PRKN: variants seen among roughly 807,000 people sequenced by gnomAD.
PRKN encodes parkin RBR E3 ubiquitin protein ligase.
A neutral mutation model predicts 59.5 loss-of-function variants in PRKN; 56 were observed. That is an observed-to-expected ratio of 0.94 (90% confidence interval 0.76 to 1.18). PRKN has a LOEUF of 1.18. PRKN is among the 50% of genes most tolerant of loss of function. The pLI, the probability that PRKN is intolerant of heterozygous loss-of-function variation, is 0.00. For synonymous variants in PRKN, 250 were observed against 222.1 expected (o/e 1.13, Z -1.12); for missense variants, 657 against 596.4 (o/e 1.10, Z -1.06).
chr6:162,465,642 G>C (rs992916513), intron 1 of PRKN, among the ~76,000 whole-genome samples: 2 of 152,132 alleles, frequency 1.3e-5, no homozygotes, highest in Non-Finnish European at 2.9e-5. Flanking sequence ...AGAAAGAATA[G>C]GAAGTGTTAA....
intron 4 of PRKN, among the ~76,000 whole-genome samples, chr6:162,060,324 C>T (rs1029575832): frequency 2.6e-5 from 4 of 152,116 alleles, no homozygotes; most frequent in African/African-American, 9.7e-5. Flanking sequence ...TGGGATTCAT[C>T]AAATTGTTTG....
rs561552368 is a variant in PRKN at position 161,528,069 on chromosome 6, T to G, written c.1083+20785A>C. Among the ~76,000 whole-genome samples, 36 of 152,298 alleles carry G rather than the reference T, an allele frequency of 2.4e-4. No individual in the cohort carries two copies. In the South Asian group the frequency reaches 7.5e-3, roughly 32 times the overall value. On this transcript the variant is annotated intron_variant, in intron 9 of 11. Transcript: ENST00000366898. The stretch of plus-strand genomic sequence containing the variant: ...TTCCTTCAAAATACTTAACATATAT[T>G]TGTGGGACAGAAGAATTTCCATAGA...
At chr6:162,147,210 G>A (rs2128312614) in intron 4 of PRKN, among the ~76,000 whole-genome samples, 1 of 151,572 alleles carries the variant, frequency 6.6e-6, no homozygotes, top group South Asian at 2.1e-4. Flanking sequence ...TGGCGTGGTG[G>A]CATATGCCTG....
intron 1 of PRKN, among the ~76,000 whole-genome samples, chr6:162,474,040 G>A (rs1315258424): frequency 3.9e-5 from 6 of 152,076 alleles, no homozygotes; most frequent in African/African-American, 1.4e-4. Context: ...AGGTAATGTG[G>A]GTGATTCCAG....
intron 1 of PRKN, among the ~76,000 whole-genome samples, chr6:162,696,783 G>A (rs1777987563): frequency 6.6e-6 from 1 of 151,590 alleles, no homozygotes; most frequent in Non-Finnish European, 1.5e-5. Flanking sequence ...TGGGCTCGAG[G>A]GATCCATCTA....
chr6:162,718,019 G>A (rs1228966721), intron 1 of PRKN, among the ~76,000 whole-genome samples: 1 of 152,036 alleles, frequency 6.6e-6, no homozygotes, highest in Non-Finnish European at 1.5e-5. Context: ...ATAATTTGCC[G>A]GTATACTTCC....
chr6:162,500,172 CTTTT>C (rs36107785), intron 1 of PRKN, among the ~76,000 whole-genome samples: 8 of 133,924 alleles, frequency 6.0e-5, no homozygotes, highest in Non-Finnish European at 8.0e-5. Context: ...CTCTTTTCTT[CTTTT>C]TTTTTTTTTT....
At chr6:161,870,098 G>A (rs904135286) in intron 6 of PRKN, among the ~76,000 whole-genome samples, 6 of 152,104 alleles carry the variant, frequency 3.9e-5, no homozygotes, top group Non-Finnish European at 8.8e-5. Context: ...TCCCATTCAA[G>A]TACTAACCAG....
In PRKN at chr6:161,439,958, G is replaced by GT. The variant is rs35435523; in HGVS notation, c.1084-53082dup. Among the ~76,000 whole-genome samples the GT allele has an allele frequency of 7.0e-3, 1,011 of 144,542 alleles. 10 individuals are homozygous for GT. Among genetic ancestry groups the GT allele is most frequent in the East Asian group, 0.029 (145 of 4,918 alleles). 94.8% of individuals were successfully genotyped at this position (144,542 alleles called of 152,430 possible). A position where few individuals can be genotyped will look rare whatever the true frequency, so the allele number is the denominator to read the frequency against. On this transcript the variant is annotated intron_variant, in intron 9 of 11. Transcript: ENST00000366898. ...TGTTTTTTGTTTTGTTTTGTTTTTT[G>GT]TTTTTTTTTTTTGACGGAGTCTCAC...
intron 2 of PRKN, among the ~76,000 whole-genome samples, chr6:162,431,206 G>T (rs1166850910): frequency 1.7e-5 from 2 of 119,714 alleles, no homozygotes; most frequent in Non-Finnish European, 3.4e-5. Context: ...AAATGGACTT[G>T]GTTGCCTTGT....
intron 1 of PRKN, among the ~76,000 whole-genome samples, chr6:162,688,802 TC>T: frequency 6.6e-6 from 1 of 152,194 alleles, no homozygotes; most frequent in Non-Finnish European, 1.5e-5. Context: ...TTGAAAAGGA[TC>T]AAGTTCTATA....
chr6:161,844,475 T>C lies in PRKN; in HGVS notation c.735-58567A>G, dbSNP rs116322008. ...AGGGTCTCTCTACGGAGCTGGACGG[T>C]TGGACTTTCTGCTGTCGTGGCAATG... is the stretch of plus-strand genomic sequence containing the variant. On this transcript the variant is annotated intron_variant, in intron 6 of 11. Transcript: ENST00000366898. 5.5e-3 allele frequency among the ~76,000 whole-genome samples: 845 copies of C among 152,316 alleles called. 3 individuals carry two copies. The highest frequency in any genetic ancestry group is 0.019 in the African/African-American group (786 of 41,566).
chr6:162,004,613 A>G (rs1007068026), intron 5 of PRKN, among the ~76,000 whole-genome samples: 1 of 152,172 alleles, frequency 6.6e-6, no homozygotes. Context: ...TATAAACATA[A>G]TGATAGCACT....
In PRKN at chr6:162,676,731, C is replaced by T. The variant is rs143102829; in HGVS notation, c.7+50931G>A. ...CTGAGATATGTTTTTATTTTTCTCT[C>T]CACAGTGCCTAACACACAGTACACA... is the stretch of plus-strand genomic sequence containing the variant. On this transcript the variant is annotated intron_variant, in intron 1 of 11. Transcript: ENST00000366898. Among the ~76,000 whole-genome samples the T allele has an allele frequency of 1.0e-3, 158 of 152,176 alleles. 1 individual carries two copies. The highest frequency in any genetic ancestry group is 6.8e-3 in the Middle Eastern group (2 of 294).
At chr6:162,436,383 A>G (rs1488235285) in intron 2 of PRKN, among the ~76,000 whole-genome samples, 1 of 150,124 alleles carries the variant, frequency 6.7e-6, no homozygotes. Flanking sequence ...CCCAGGCTGG[A>G]GTGCAATGGC....
intron 1 of PRKN, among the ~76,000 whole-genome samples, chr6:162,505,547 A>C (rs1473281078): frequency 6.6e-6 from 1 of 152,170 alleles, no homozygotes; most frequent in Non-Finnish European, 1.5e-5. Flanking sequence ...TCAGGTTGAG[A>C]GCAGTTATAC....
chr6:162,640,759 G>A (rs1049772123), intron 1 of PRKN, among the ~76,000 whole-genome samples: 1 of 152,160 alleles, frequency 6.6e-6, no homozygotes, highest in Non-Finnish European at 1.5e-5. Flanking sequence ...GTAAGGCTGT[G>A]CTTGACAATT....
At chr6:162,622,911 C>T (rs191548631) in intron 1 of PRKN, among the ~76,000 whole-genome samples, 178 of 152,230 alleles carry the variant, frequency 1.2e-3, no homozygotes, top group African/African-American at 1.6e-3. Context: ...CTTTATGAAC[C>T]GCCCTCCTGA....
intron 7 of PRKN, among the ~76,000 whole-genome samples, chr6:161,685,211 CCCT>C (rs1785509805): frequency 6.6e-6 from 1 of 152,104 alleles, no homozygotes; most frequent in Non-Finnish European, 1.5e-5. Context: ...TGTTAGTCTG[CCCT>C]CCTCCCTGTC....
Sources: allele counts gnomAD v4.1 joint callset (sites outside exome capture counted in the v4.1 genomes callset), GRCh38; gene constraint gnomAD v4.1.1; transcripts MANE v1.5; gene names NCBI Gene and HGNC (gene_info 2026-07-23, HGNC 2026-07-21).